FOCAD: variants seen among roughly 807,000 people sequenced by gnomAD.
FOCAD encodes the protein KIAA1797.
A neutral mutation model predicts 225.6 loss-of-function variants in FOCAD; 198 were observed. The observed-to-expected ratio is 0.88, with a 90% confidence interval of 0.78 to 0.99. FOCAD has a LOEUF of 0.99. Ranked by LOEUF, FOCAD falls within the 50% of genes least tolerant of loss-of-function variation. The pLI, the probability that FOCAD is intolerant of heterozygous loss-of-function variation, is 0.00. For synonymous variants in FOCAD, 897 were observed against 755.0 expected (o/e 1.19, Z -3.08); for missense variants, 2,713 against 2,123.6 (o/e 1.28, Z -5.46).
chr9:20,820,018 G>C, intron 12 of FOCAD, 118 bp downstream of exon 12: 1 of 576,838 alleles, frequency 1.7e-6, no homozygotes, highest in African/African-American at 2.0e-5. Context: ...TACTTCTCTT[G>C]TTGAGCTAGG....
At chr9:20,773,929 A>G (rs1203663498) in intron 8 of FOCAD, among the ~76,000 whole-genome samples, 2 of 152,108 alleles carry the variant, frequency 1.3e-5, no homozygotes, top group Non-Finnish European at 2.9e-5. Context: ...CTTGTTAGGA[A>G]CTGGGCCACA....
At chr9:20,663,425 T>G (rs951299431) in intron 2 of FOCAD, among the ~76,000 whole-genome samples, 6 of 151,918 alleles carry the variant, frequency 3.9e-5, no homozygotes, top group Admixed American at 1.3e-4. Flanking sequence ...TAACGAAATA[T>G]TTCTATCAGC....
chr9:20,769,311 A>T (rs1413292561), intron 7 of FOCAD, among the ~76,000 whole-genome samples: 1 of 152,198 alleles, frequency 6.6e-6, no homozygotes, highest in Admixed American at 6.5e-5. Flanking sequence ...TTCTTGATGA[A>T]TTTAGCAGAC....
chr9:20,854,794 G>T (rs1165480742), intron 15 of FOCAD, among the ~76,000 whole-genome samples: 1 of 151,710 alleles, frequency 6.6e-6, no homozygotes, highest in African/African-American at 2.4e-5. Context: ...ATATGTGGAT[G>T]ATTTCTAGGT....
chr9:20,699,626 T>G (rs918456279), intron 1 of FOCAD, among the ~76,000 whole-genome samples: 3 of 149,120 alleles, frequency 2.0e-5, no homozygotes, highest in Non-Finnish European at 4.5e-5. Context: ...TAGTCCCAGC[T>G]ACTCAGGAGG....
At chr9:20,970,334 A>T (rs530014431) in intron 35 of FOCAD, among the ~76,000 whole-genome samples, 1 of 151,998 alleles carries the variant, frequency 6.6e-6, no homozygotes, top group African/African-American at 2.4e-5. Flanking sequence ...TGTTATGCCT[A>T]CGTTGGTATG....
chr9:20,706,570 C>G (rs908282088), intron 1 of FOCAD, among the ~76,000 whole-genome samples: 2 of 152,146 alleles, frequency 1.3e-5, no homozygotes, highest in African/African-American at 2.4e-5. Context: ...GGAAAGAACA[C>G]TTGGTTGGAA....
intron 5 of FOCAD, among the ~76,000 whole-genome samples, chr9:20,743,847 G>A (rs1399905487): frequency 6.6e-6 from 1 of 152,152 alleles, no homozygotes; most frequent in Non-Finnish European, 1.5e-5. Context: ...GAGCTTCAAG[G>A]TCCCCTTTGA....
At chr9:20,686,157 G>A (rs1375684587) in intron 1 of FOCAD, among the ~76,000 whole-genome samples, 3 of 152,088 alleles carry the variant, frequency 2.0e-5, no homozygotes, top group Non-Finnish European at 4.4e-5. Flanking sequence ...TTTTGCATTT[G>A]CTATTTTTTT....
chr9:20,898,426 T>G (rs1238668328), intron 21 of FOCAD, among the ~76,000 whole-genome samples: 1 of 151,952 alleles, frequency 6.6e-6, no homozygotes, highest in African/African-American at 2.4e-5. Flanking sequence ...TGCTTTATTC[T>G]TTTTCCTCTT....
intron 15 of FOCAD, among the ~76,000 whole-genome samples, chr9:20,827,408 G>C (rs978533718): frequency 2.0e-5 from 3 of 151,984 alleles, no homozygotes; most frequent in Admixed American, 1.3e-4. Flanking sequence ...ATATTATTCT[G>C]TTTGGCTCTA....
At chr9:20,818,781 A>G (rs1484823891) in intron 11 of FOCAD, among the ~76,000 whole-genome samples, 1 of 152,052 alleles carries the variant, frequency 6.6e-6, no homozygotes, top group African/African-American at 2.4e-5. Flanking sequence ...GCTTTGTGGT[A>G]AATTTGGAAG....
chr9:20,865,881 T>C (rs771885339), intron 16 of FOCAD, 45 bp from the exon 17 acceptor site: 10 of 1,421,882 alleles, frequency 7.0e-6, no homozygotes, highest in Non-Finnish European at 9.8e-7. Flanking sequence ...GTCTCAGTTT[T>C]AGCTTGGTCT....
chr9:20,693,930 C>T (rs992066598), intron 1 of FOCAD, among the ~76,000 whole-genome samples: 31 of 152,292 alleles, frequency 2.0e-4, no homozygotes, highest in Admixed American at 1.6e-3. Flanking sequence ...AGGCCAGTCT[C>T]GAACTCTTGA....
At chr9:20,810,081 A>G (rs1350804397) in intron 11 of FOCAD, among the ~76,000 whole-genome samples, 1 of 152,178 alleles carries the variant, frequency 6.6e-6, no homozygotes, top group Non-Finnish European at 1.5e-5. Flanking sequence ...GTGAAAGGAT[A>G]GAAAGCAAAA....
intron 8 of FOCAD, among the ~76,000 whole-genome samples, chr9:20,771,694 G>T (rs553907583): frequency 5.8e-4 from 88 of 152,352 alleles, no homozygotes; most frequent in Non-Finnish European, 7.8e-4. Context: ...GGCAGAGGTT[G>T]CAGTGAGCCG....
chr9:20,663,510 C>CACAT (rs1489253003), intron 2 of FOCAD, among the ~76,000 whole-genome samples: 1 of 150,006 alleles, frequency 6.7e-6, no homozygotes, highest in Non-Finnish European at 1.5e-5. Context: ...CACACACATA[C>CACAT]ACACAGTTTA....
intron 37 of FOCAD, 97 bp downstream of exon 37, chr9:20,978,551 G>T (rs2132605036): frequency 7.9e-6 from 6 of 758,812 alleles, no homozygotes; most frequent in Non-Finnish European, 1.2e-5. Context: ...GTCAAGAGGA[G>T]ACAGATGAGA....
intron 15 of FOCAD, among the ~76,000 whole-genome samples, chr9:20,847,836 A>G (rs1213907713): frequency 6.6e-6 from 1 of 152,134 alleles, no homozygotes; most frequent in East Asian, 1.9e-4. Context: ...AAGAGAAGAC[A>G]ATAATTTTAG....
Sources: gnomAD v4.1 joint callset for allele counts (sites outside exome capture counted in the v4.1 genomes callset) on GRCh38, gnomAD v4.1.1 for gene constraint, MANE v1.5 for transcripts, NCBI Gene and HGNC (gene_info 2026-07-23, HGNC 2026-07-21) for gene names.